Variants in C1orf21 observed in about 807,000 individuals in gnomAD.
C1orf21 encodes the protein chromosome 1 open reading frame 21.
In C1orf21, 3 loss-of-function variants were observed where a neutral mutation model predicts 18.7. That is an observed-to-expected ratio of 0.16 (90% CI 0.07 to 0.42). The LOEUF is 0.42. C1orf21 is among the 10% of genes least tolerant of loss of function. The pLI is 0.99. For synonymous variants in C1orf21, 41 were observed against 46.4 expected, an observed-to-expected ratio of 0.88 and a Z score of 0.47; for missense variants, 104 against 143.6, an observed-to-expected ratio of 0.72 and a Z score of 1.41.
At chr1:184,417,129 C>G (rs1656465292) in intron 1 of C1orf21, among the ~76,000 whole-genome samples, 1 of 152,024 alleles carries the variant, frequency 6.6e-6, no homozygotes, top group Non-Finnish European at 1.5e-5. Context: ...GTTTTTGGCT[C>G]AGTCGAAAGA....
At chr1:184,448,635 G>A (rs889079425) in intron 1 of C1orf21, among the ~76,000 whole-genome samples, 1 of 152,108 alleles carries the variant, frequency 6.6e-6, no homozygotes, top group African/African-American at 2.4e-5. Context: ...TGCTGACCTG[G>A]GTCTCCAGAG....
chr1:184,430,264 C>G (rs533745981), intron 1 of C1orf21, among the ~76,000 whole-genome samples: 1 of 152,080 alleles, frequency 6.6e-6, no homozygotes, highest in African/African-American at 2.4e-5. Context: ...AATAATACTG[C>G]ACAAAAGTGT....
At chr1:184,531,038 ACAGC>A (rs1658455648) in intron 3 of C1orf21, among the ~76,000 whole-genome samples, 1 of 152,174 alleles carries the variant, frequency 6.6e-6, no homozygotes, top group South Asian at 2.1e-4. Context: ...ATTGGTTTTT[ACAGC>A]GGGAAAAACT....
intron 1 of C1orf21, among the ~76,000 whole-genome samples, chr1:184,469,400 G>A (rs974558234): frequency 2.6e-5 from 4 of 152,208 alleles, no homozygotes; most frequent in Admixed American, 6.5e-5. Flanking sequence ...CATGCTAGCA[G>A]TAAACTAAGG....
chr1:184,476,879 A>C (rs999480119), intron 1 of C1orf21, among the ~76,000 whole-genome samples: 8 of 152,142 alleles, frequency 5.3e-5, no homozygotes, highest in Non-Finnish European at 1.0e-4. Context: ...AAAGTAGCCC[A>C]TGTACCAGTC....
chr1:184,499,765 C>T (rs923320502), intron 2 of C1orf21, among the ~76,000 whole-genome samples: 1 of 151,968 alleles, frequency 6.6e-6, no homozygotes, highest in Non-Finnish European at 1.5e-5. Context: ...ACTAACCAAC[C>T]AAGGACAAAT....
intron 2 of C1orf21, 80 bp from the exon 3 acceptor site, chr1:184,507,508 A>G (rs1467124579): frequency 8.4e-7 from 1 of 1,195,378 alleles, no homozygotes; most frequent in Non-Finnish European, 1.2e-6. Context: ...AGCAAATTAC[A>G]CTATTGGGAT....
At chr1:184,513,503 A>G (rs1430952066) in intron 3 of C1orf21, among the ~76,000 whole-genome samples, 1 of 152,266 alleles carries the variant, frequency 6.6e-6, no homozygotes, top group East Asian at 1.9e-4. Flanking sequence ...TACGTTCCGT[A>G]TCACTAGAAC....
intron 1 of C1orf21, among the ~76,000 whole-genome samples, chr1:184,389,733 G>GCAGC (rs1215371444): frequency 6.6e-6 from 1 of 152,176 alleles, no homozygotes; most frequent in African/African-American, 2.4e-5. Context: ...CAGGCTCTAA[G>GCAGC]CAGCCCCCTT....
chr1:184,441,526 G>A (rs1162421866), intron 1 of C1orf21, among the ~76,000 whole-genome samples: 6 of 152,180 alleles, frequency 3.9e-5, no homozygotes, highest in Non-Finnish European at 5.9e-5. Context: ...AAATAGGAGG[G>A]CAGTAGGAAT....
intron 2 of C1orf21, among the ~76,000 whole-genome samples, chr1:184,507,247 G>T (rs1444730880): frequency 6.6e-6 from 1 of 152,128 alleles, no homozygotes; most frequent in Non-Finnish European, 1.5e-5. Flanking sequence ...TTATCAGACA[G>T]TTCTGTGATA....
intron 1 of C1orf21, among the ~76,000 whole-genome samples, chr1:184,389,887 G>A (rs1655944598): frequency 6.6e-6 from 1 of 152,240 alleles, no homozygotes; most frequent in Admixed American, 6.5e-5. Flanking sequence ...GTCCTAAGGT[G>A]ATAAATATGA....
intron 3 of C1orf21, chr1:184,567,521 A>G: frequency 1.9e-6 from 1 of 528,360 alleles, no homozygotes; most frequent in Non-Finnish European, 3.8e-6. Flanking sequence ...CTCTAACACC[A>G]TCCTCCTTGA....
chr1:184,451,462 A>ATTTTTTT (rs374550435), intron 1 of C1orf21, among the ~76,000 whole-genome samples: 10 of 77,794 alleles, frequency 1.3e-4, no homozygotes, highest in African/African-American at 2.0e-4. Flanking sequence ...GGCTAATTTA[A>ATTTTTTT]TTTTTTTTTT....
In C1orf21 at chr1:184,501,176, G is replaced by A. The variant is rs118143554; in HGVS notation, c.95-6412G>A. Among the ~76,000 whole-genome samples the A allele has an allele frequency of 1.2e-3, 185 of 152,270 alleles. 3 individuals carry two copies. The East Asian group carries it at 0.028, about 23-fold the overall frequency. ...GCTTCAGTGCCTGGACACTGGCCAG[G>A]GAGGCCATATCACCTTCAGAATGGA... On this transcript the variant is annotated intron_variant, in intron 2 of 5. Coordinates refer to ENST00000235307, the MANE Select transcript of C1orf21 (RefSeq NM_030806.4).
intron 5 of C1orf21, among the ~76,000 whole-genome samples, chr1:184,615,794 T>C (rs2102011240): frequency 6.6e-6 from 1 of 152,348 alleles, no homozygotes; most frequent in Non-Finnish European, 1.5e-5. Flanking sequence ...TTTTATTTAC[T>C]TATTTATTTT....
At chr1:184,411,765 A>G (rs1239313865) in intron 1 of C1orf21, among the ~76,000 whole-genome samples, 2 of 152,322 alleles carry the variant, frequency 1.3e-5, no homozygotes, top group African/African-American at 2.4e-5. Context: ...GAGCTTCTAT[A>G]TGTTCTGTCA....
chr1:184,412,035 A>G (rs903890996), intron 1 of C1orf21: 3 of 152,198 alleles, frequency 2.0e-5, no homozygotes, highest in Non-Finnish European at 1.5e-5. Context: ...CAGCTTTTCA[A>G]TGTGATGGAT....
rs1226863856 is a variant in C1orf21, at chr1:184,620,456, AAGC to A, written c.*902_*904del. 1 of 152,518 alleles carries A rather than the reference AAGC, an allele frequency of 6.6e-6. No homozygotes were observed. Among genetic ancestry groups the A allele is most frequent in the African/African-American group, 2.4e-5 (1 of 41,410 alleles). The allele number at this position is 152,518 out of a possible 1,614,324, so 9.4% of individuals were successfully genotyped here. On this transcript the variant is annotated 3_prime_UTR_variant, in exon 6 of 6. Transcript: ENST00000235307. ...CCTACCCTTCCATTAAGAATCTACC[AAGC>A]ATTAGCAAGGCTGAAAGTGGTCTAA...
Sources: allele counts gnomAD v4.1 joint callset (sites outside exome capture counted in the v4.1 genomes callset), GRCh38; gene constraint gnomAD v4.1.1; transcripts MANE v1.5; gene names NCBI Gene and HGNC (gene_info 2026-07-23, HGNC 2026-07-21).